Variants in NPAS2 observed in about 807,000 individuals in gnomAD.
NPAS2 encodes neuronal PAS domain protein 2.
In NPAS2, 23 loss-of-function variants were observed where a neutral mutation model predicts 107.5. The ratio of observed to expected loss-of-function variants is 0.21; its 90% CI spans 0.15 to 0.30. The LOEUF (loss-of-function observed/expected upper bound fraction) is 0.30, where lower values mean the gene tolerates loss of function less well. Among genes scored for constraint, NPAS2 ranks in the 10% least tolerant of loss-of-function variants. NPAS2 has a pLI of 1.00. For synonymous variants in NPAS2, 403 were observed against 417.5 expected, an observed-to-expected ratio of 0.97 and a Z score of 0.42; for missense variants, 756 against 1,043.3, an observed-to-expected ratio of 0.72 and a Z score of 3.79.
chr2:100,925,114 G>A, intron 2 of NPAS2, 32 bp from the exon 3 acceptor site: 1 of 1,585,256 alleles, frequency 6.3e-7, no homozygotes, highest in South Asian at 1.1e-5. Flanking sequence ...GACGTGGAAT[G>A]TTCCAGTAAC....
chr2:100,929,653 C>T (rs1011106506), intron 3 of NPAS2, among the ~76,000 whole-genome samples: 8 of 152,100 alleles, frequency 5.3e-5, no homozygotes, highest in Admixed American at 1.3e-4. Context: ...CCATGGTAGG[C>T]GTATTTACAC....
At chr2:100,975,645 C>T (rs1676937945) in intron 14 of NPAS2, 78 bp downstream of exon 14, 18 of 1,047,676 alleles carry the variant, frequency 1.7e-5, no homozygotes, top group East Asian at 2.8e-5. Flanking sequence ...CGATGTGCTG[C>T]GTCTCCCCAG....
intron 3 of NPAS2, among the ~76,000 whole-genome samples, chr2:100,928,782 C>G (rs570454634): frequency 1.3e-5 from 2 of 152,230 alleles, no homozygotes; most frequent in African/African-American, 4.8e-5. Flanking sequence ...ATGAACTCTG[C>G]AGGCACCTGC....
At position 100,990,896 on chromosome 2, in the gene NPAS2, A is replaced by G. The variant is rs757221857; in HGVS notation, c.2111+24A>G. On this transcript the variant is annotated intron_variant, in intron 19 of 20. Transcript: ENST00000335681. ...AAGTACGTGGACCCTGGCGGGAGGC[A>G]GGAGGCAAGCGCTGGTGGAATGGTT... 8.1e-6 allele frequency: 13 copies of G among 1,602,754 alleles called. No individual in the cohort carries two copies. In the South Asian group the frequency reaches 1.4e-4, roughly 18 times the overall value.
chr2:100,877,830 T>C (rs1680081232), intron 1 of NPAS2: 2 of 414,982 alleles, frequency 4.8e-6, no homozygotes, highest in Admixed American at 1.3e-4. Context: ...CTTCAGCCGG[T>C]GCATCCTTTT....
At position 100,975,073 on chromosome 2, in the gene NPAS2, A is replaced by G. The variant is rs1558929833; in HGVS notation, c.1282+129A>G. 14 of 946,424 alleles carry G rather than the reference A, an allele frequency of 1.5e-5. No homozygotes were observed. In the South Asian group the frequency reaches 2.2e-4, roughly 15 times the overall value. The allele number at this position is 946,424 out of a possible 1,614,324, so 58.6% of individuals were successfully genotyped here. ...TCCGACAGAGGTTGCCGTGCAGTTTATACTCCTCCTTTCCTTTCCCAGACT... is the reference window on the plus strand; with the variant it reads ...TCCGACAGAGGTTGCCGTGCAGTTTGTACTCCTCCTTTCCTTTCCCAGACT... On this transcript the variant is annotated intron_variant, in intron 13 of 20. Coordinates refer to ENST00000335681, the MANE Select transcript of NPAS2 (RefSeq NM_002518.4).
intron 1 of NPAS2, among the ~76,000 whole-genome samples, chr2:100,899,610 G>C (rs1359252407): frequency 6.6e-6 from 1 of 152,068 alleles, no homozygotes; most frequent in Non-Finnish European, 1.5e-5. Flanking sequence ...CTGGGTGTGG[G>C]GATAAGGGAA....
chr2:100,982,587 T>G (rs893847695), intron 16 of NPAS2: 14 of 597,442 alleles, frequency 2.3e-5, no homozygotes, highest in Non-Finnish European at 4.1e-5. Flanking sequence ...CCTGATGTCC[T>G]CTTCCCTCGC....
intron 19 of NPAS2, among the ~76,000 whole-genome samples, chr2:100,991,399 G>A (rs1399216619): frequency 6.6e-6 from 1 of 152,228 alleles, no homozygotes; most frequent in Non-Finnish European, 1.5e-5. Flanking sequence ...GGAGACACGG[G>A]GAATAGTTTA....
At chr2:100,937,316 T>C (rs1200570451) in intron 4 of NPAS2, among the ~76,000 whole-genome samples, 1 of 152,210 alleles carries the variant, frequency 6.6e-6, no homozygotes, top group Non-Finnish European at 1.5e-5. Context: ...AATGCATCTG[T>C]TAGGTCTGAT....
intron 15 of NPAS2, among the ~76,000 whole-genome samples, chr2:100,980,947 T>C (rs3768989): frequency 0.031 from 4,745 of 151,340 alleles, 210 homozygotes; most frequent in South Asian, 0.097. Flanking sequence ...CGCTGTGTGA[T>C]TTCCAGCAGG....
At chr2:100,839,497 T>G (rs184378055) in intron 1 of NPAS2, among the ~76,000 whole-genome samples, 3 of 152,214 alleles carry the variant, frequency 2.0e-5, no homozygotes, top group African/African-American at 7.2e-5. Context: ...CTCTTTCTTA[T>G]GATTTTCTTA....
In NPAS2 at chr2:100,949,735, C is replaced by T. The variant is rs114001058; in HGVS notation, c.598+255C>T. Among the ~76,000 whole-genome samples the T allele has an allele frequency of 6.2e-3, 947 of 152,246 alleles. 2 individuals are homozygous for T. The highest frequency in any genetic ancestry group is 0.022 in the South Asian group (106 of 4,828). Reference sequence around the variant, plus strand: ...CACACATTATTCATTTATTTATCTTCGGGCTGATGAAATAATTCTGTACTG... The same window carrying T: ...CACACATTATTCATTTATTTATCTTTGGGCTGATGAAATAATTCTGTACTG... On this transcript the variant is annotated intron_variant, in intron 7 of 20. Transcript: ENST00000335681.
chr2:100,940,186 C>A (rs1674491576), intron 5 of NPAS2, among the ~76,000 whole-genome samples: 1 of 152,206 alleles, frequency 6.6e-6, no homozygotes, highest in Non-Finnish European at 1.5e-5. Context: ...GGAGTCAGAC[C>A]TCTATGACTT....
At position 100,995,972 on chromosome 2, in the gene NPAS2, G is replaced by A. The variant is rs918293655; in HGVS notation, c.*390G>A. 2.1e-5 allele frequency: 27 copies of A among 1,310,430 alleles called. No homozygotes were observed. Among genetic ancestry groups the A allele is most frequent in the East Asian group, 1.4e-4 (3 of 21,894 alleles). 81.2% of individuals were successfully genotyped at this position (1,310,430 alleles called of 1,614,324 possible). On this transcript the variant is annotated 3_prime_UTR_variant, in exon 21 of 21. Coordinates refer to ENST00000335681, the MANE Select transcript of NPAS2 (RefSeq NM_002518.4). ...CTAGCTGGCCTTCACGCTCTTGATC[G>A]TCTTTCCTTTGTATTGGAGAAGGAC...
intron 1 of NPAS2, among the ~76,000 whole-genome samples, chr2:100,877,247 G>A (rs1459570497): frequency 6.6e-6 from 1 of 152,138 alleles, no homozygotes; most frequent in East Asian, 1.9e-4. Context: ...GGCGGATCAC[G>A]AGGTCAGGAG....
intron 1 of NPAS2, among the ~76,000 whole-genome samples, chr2:100,873,307 T>TACACACACACACACAC (rs368306404): frequency 2.4e-5 from 1 of 41,902 alleles, no homozygotes; most frequent in East Asian, 7.5e-4. Context: ...TATATATATA[T>TACACACACACACACAC]ACACACACAC....
intron 12 of NPAS2, among the ~76,000 whole-genome samples, chr2:100,971,925 A>G (rs1676594163): frequency 6.6e-6 from 1 of 151,034 alleles, no homozygotes; most frequent in Admixed American, 6.6e-5. Flanking sequence ...GTCAACTGGA[A>G]GATCCATATG....
chr2:100,891,809 C>T (rs1452331808), intron 1 of NPAS2, among the ~76,000 whole-genome samples: 2 of 152,184 alleles, frequency 1.3e-5, no homozygotes, highest in Non-Finnish European at 2.9e-5. Flanking sequence ...CTTTTTCTCT[C>T]CTTGCAAACT....
Sources: allele counts gnomAD v4.1 joint callset (sites outside exome capture counted in the v4.1 genomes callset), GRCh38; gene constraint gnomAD v4.1.1; transcripts MANE v1.5; gene names NCBI Gene and HGNC (gene_info 2026-07-23, HGNC 2026-07-21).